The following ATP10A variants were observed in gnomAD, a reference collection of about 807,000 sequenced individuals.
ATP10A encodes the protein ATPase phospholipid transporting 10A (putative).
In ATP10A, 111 loss-of-function variants were observed where a neutral mutation model predicts 147.8. The ratio of observed to expected loss-of-function variants is 0.75; its 90% CI spans 0.64 to 0.88. The LOEUF is 0.88. Ranked by LOEUF, ATP10A falls within the 40% of genes least tolerant of loss-of-function variation. The probability of loss-of-function intolerance (pLI) is 0.00; values close to 1 mark genes in which losing one functional copy is unlikely to be tolerated. For missense variants in ATP10A, 1,927 were observed against 1,959.0 expected (o/e 0.98, Z 0.31); for synonymous variants, 875 against 841.6 (o/e 1.04, Z -0.69).
intron 7 of ATP10A, among the ~76,000 whole-genome samples, chr15:25,719,997 G>A (rs945117753): frequency 7.2e-5 from 11 of 152,162 alleles, no homozygotes; most frequent in African/African-American, 2.7e-4. Flanking sequence ...AAAACACGCT[G>A]CTGAGATGTA....
rs774473987 is a variant in ATP10A at position 25,680,214 on chromosome 15, G to A, written c.3773C>T (p.Pro1258Leu). Residue 1258 changes from proline to leucine, a missense_variant, in exon 20 of 21, where the codon CCG (proline) becomes CTG (leucine). Physicochemically the swap from Pro to Leu is moderately conservative, Grantham distance 98. Coordinates refer to ENST00000555815, the MANE Select transcript of ATP10A (RefSeq NM_024490.4). ...YNASCATCYP[P>L]SNPYWTMQAL... Reference sequence around the variant, plus strand: ...TTGCATAGTCCAGTAAGGGTTGGACGGAGGATAGCACGTGGCACAAGACGC... The same window carrying A: ...TTGCATAGTCCAGTAAGGGTTGGACAGAGGATAGCACGTGGCACAAGACGC... 4 of 1,614,070 alleles carry A rather than the reference G, an allele frequency of 2.5e-6. No homozygotes were observed. Among genetic ancestry groups the A allele is most frequent in the East Asian group, 2.2e-5 (1 of 44,874 alleles).
At chr15:25,864,374 A>T (rs1893903804), upstream of ATP10A, among the ~76,000 whole-genome samples, 1 of 152,194 alleles carries the variant, frequency 6.6e-6, no homozygotes, top group Non-Finnish European at 1.5e-5. Flanking sequence ...CTTGCCCAGG[A>T]GGCCGTGGCT....
chr15:25,827,226 G>A (rs1261095066), intron 1 of ATP10A, among the ~76,000 whole-genome samples: 1 of 152,132 alleles, frequency 6.6e-6, no homozygotes, highest in Non-Finnish European at 1.5e-5. Flanking sequence ...CAAAAACAGA[G>A]AAGTCACCAC....
At position 25,680,843 on chromosome 15, in the gene ATP10A, G is replaced by T. The variant is rs142515299; in HGVS notation, c.3645C>A (p.Phe1215Leu). The T allele has an allele frequency of 2.5e-6, 4 of 1,613,762 alleles. No individual in the cohort carries two copies. Among genetic ancestry groups the T allele is most frequent in the African/African-American group, 1.3e-5 (1 of 74,902 alleles). ...TPIVTIALLT[F>L]LLHLGIETKT... is the part of the protein sequence containing the mutation. ...TGGTTTCAATGCCCAGGTGGAGCAG[G>T]AAAGTGAGCAGCGCGATTGTCACAA... The change falls in exon 19 of 21, where the codon TTC becomes TTA. Residue 1215 changes from phenylalanine (F) to leucine (L), a missense_variant. Transcript: ENST00000555815.
intron 14 of ATP10A, among the ~76,000 whole-genome samples, chr15:25,692,659 T>C (rs991952576): frequency 2.6e-5 from 4 of 152,240 alleles, no homozygotes; most frequent in Admixed American, 6.5e-5. Flanking sequence ...AATAAAAATC[T>C]GTACAGCTTT....
At chr15:25,776,332 G>GT (rs1889603379) in intron 2 of ATP10A, among the ~76,000 whole-genome samples, 2 of 152,210 alleles carry the variant, frequency 1.3e-5, no homozygotes. Flanking sequence ...GACGGATGGG[G>GT]TGGGGGAGGG....
chr15:25,848,266 T>A (rs1480837114), intron 1 of ATP10A, among the ~76,000 whole-genome samples: 3 of 152,208 alleles, frequency 2.0e-5, no homozygotes, highest in Non-Finnish European at 4.4e-5. Context: ...CTTGGTGGCT[T>A]GAAGTAACAC....
At chr15:25,683,723 T>C (rs1253898262) in intron 16 of ATP10A, 7 of 556,412 alleles carry the variant, frequency 1.3e-5, no homozygotes, top group Admixed American at 3.2e-5. Flanking sequence ...CAGTGGGAAT[T>C]GGGAATTCCC....
In ATP10A at chr15:25,718,451, CA is replaced by C. The variant is rs1901982550; in HGVS notation, c.1364-53del. On this transcript the variant is annotated intron_variant, in intron 7 of 20. Transcript: ENST00000555815. ...CATCATGGGGGAAGGCTGGGCGGAG[CA>C]GAAAGAAACCATTCAGTGTGTTTTA... 2.0e-6 allele frequency: 3 copies of C among 1,524,454 alleles called. No homozygotes were observed. The African/African-American group carries it at 4.1e-5, about 21-fold the overall frequency. The allele number at this position is 1,524,454 out of a possible 1,614,324, so 94.4% of individuals were successfully genotyped here.
intron 1 of ATP10A, among the ~76,000 whole-genome samples, chr15:25,827,445 T>C (rs1344163326): frequency 2.6e-5 from 4 of 152,202 alleles, no homozygotes; most frequent in Non-Finnish European, 5.9e-5. Flanking sequence ...TACAAATCTA[T>C]GTTGATGGGC....
intron 1 of ATP10A, among the ~76,000 whole-genome samples, chr15:25,858,771 A>G (rs1244491758): frequency 6.6e-6 from 1 of 152,180 alleles, no homozygotes; most frequent in African/African-American, 2.4e-5. Context: ...ATTCAGGGAA[A>G]AGTCGCCTCC....
intron 1 of ATP10A, among the ~76,000 whole-genome samples, chr15:25,806,327 C>CTTTTTT (rs71127085): frequency 2.2e-4 from 33 of 151,444 alleles, no homozygotes; most frequent in Non-Finnish European, 4.0e-4. Context: ...CTTTTCTTTT[C>CTTTTTT]TTTGAGATGG....
intron 16 of ATP10A, 50 bp from the exon 17 acceptor site, chr15:25,683,536 T>C (rs34529634): frequency 0.024 from 36,289 of 1,536,596 alleles, 527 homozygotes; most frequent in Non-Finnish European, 0.028. Flanking sequence ...CAGCCATTGC[T>C]GAGGATTCTC....
intron 1 of ATP10A, among the ~76,000 whole-genome samples, chr15:25,824,989 C>T (rs1471883905): frequency 6.6e-6 from 1 of 152,092 alleles, no homozygotes; most frequent in Non-Finnish European, 1.5e-5. Context: ...TGCACTCCAG[C>T]CCAGGTGATA....
At chr15:25,675,051 T>C (rs906952906), downstream of ATP10A, among the ~76,000 whole-genome samples, 1 of 152,354 alleles carries the variant, frequency 6.6e-6, no homozygotes, top group East Asian at 1.9e-4. Flanking sequence ...AAGTCTGCCC[T>C]GGCTGGATGG....
rs931478880 is a variant in ATP10A at position 25,692,034 on chromosome 15, C to T, written c.3089-243G>A. 6.6e-5 allele frequency among the ~76,000 whole-genome samples: 10 copies of T among 152,104 alleles called. No homozygotes were observed. The East Asian group carries it at 7.7e-4, about 12-fold the overall frequency. On this transcript the variant is annotated intron_variant, in intron 14 of 20. Coordinates refer to ENST00000555815, the MANE Select transcript of ATP10A (RefSeq NM_024490.4). ...TGGAGCTGAGCCACCTGGTACATGGCGCCTGCTCTGCAGTGCCGCTCTTAC... is the reference window on the plus strand; with the variant it reads ...TGGAGCTGAGCCACCTGGTACATGGTGCCTGCTCTGCAGTGCCGCTCTTAC...
At chr15:25,796,930 A>G (rs1045054180) in intron 1 of ATP10A, among the ~76,000 whole-genome samples, 23 of 152,366 alleles carry the variant, frequency 1.5e-4, no homozygotes, top group Admixed American at 6.5e-4. Flanking sequence ...ACATGTATAC[A>G]CTGTGGTATG....
chr15:25,834,993 T>C (rs937642234), intron 1 of ATP10A, among the ~76,000 whole-genome samples: 1 of 152,170 alleles, frequency 6.6e-6, no homozygotes, highest in African/African-American at 2.4e-5. Flanking sequence ...CCAGGTGCAG[T>C]TGCTCACACC....
At chr15:25,730,056 C>A (rs1032870794) in intron 3 of ATP10A, among the ~76,000 whole-genome samples, 2 of 150,504 alleles carry the variant, frequency 1.3e-5, no homozygotes, top group African/African-American at 4.9e-5. Flanking sequence ...TTTGGGAGGC[C>A]GAGGCGGGAG....
Sources: allele counts gnomAD v4.1 joint callset (sites outside exome capture counted in the v4.1 genomes callset), GRCh38; gene constraint gnomAD v4.1.1; transcripts MANE v1.5; gene names NCBI Gene and HGNC (gene_info 2026-07-23, HGNC 2026-07-21).